Variants in CTIF observed in about 807,000 individuals in gnomAD.
CTIF encodes the protein cap binding complex dependent translation initiation factor.
Under a neutral mutation model 66.0 loss-of-function variants are expected in CTIF, and 21 were observed. That is an observed-to-expected ratio of 0.32 (90% confidence interval 0.23 to 0.46). CTIF has a LOEUF of 0.46. Ranked by LOEUF, CTIF falls within the 20% of genes least tolerant of loss-of-function variation. The pLI is 1.00. For synonymous variants in CTIF, 345 were observed against 326.4 expected (o/e 1.06, Z -0.62); for missense variants, 739 against 812.7 (o/e 0.91, Z 1.10).
chr18:48,852,456 AC>A (rs2069228006), intron 10 of CTIF, among the ~76,000 whole-genome samples: 1 of 151,688 alleles, frequency 6.6e-6, no homozygotes, highest in South Asian at 2.1e-4. Context: ...GATGAGTCAC[AC>A]CCCCCACCTC....
intron 9 of CTIF, among the ~76,000 whole-genome samples, chr18:48,776,480 A>T (rs1289261308): frequency 6.6e-6 from 1 of 152,242 alleles, no homozygotes; most frequent in African/African-American, 2.4e-5. Flanking sequence ...TCCCCTCTGC[A>T]GAAGCCCCTT....
Position 48,670,751 on chromosome 18 carries a change from G to T in CTIF, c.507+7G>T. ...GGTCCTTCCAGCCTGGCAGGTAGGT[G>T]CAGGGGCAGGCTCTCTAACAGCCCA... On this transcript the variant is annotated splice_region_variant and intron_variant, in intron 6 of 11. Coordinates refer to ENST00000256413, the MANE Select transcript of CTIF (RefSeq NM_014772.3). The T allele has an allele frequency of 6.2e-7, 1 of 1,612,762 alleles. No individual in the cohort carries two copies. The highest frequency in any genetic ancestry group is 8.5e-7 in the Non-Finnish European group (1 of 1,178,886).
At chr18:48,567,045 C>T (rs997592499) in intron 1 of CTIF, 16 of 152,218 alleles carry the variant, frequency 1.1e-4, no homozygotes, top group African/African-American at 3.9e-4. Context: ...TCAGCAACAA[C>T]TTATGTACCT....
chr18:48,576,397 A>T (rs1287702819), intron 1 of CTIF, among the ~76,000 whole-genome samples: 1 of 152,212 alleles, frequency 6.6e-6, no homozygotes, highest in Non-Finnish European at 1.5e-5. Context: ...GTGCCAGTGA[A>T]GTCCCTTCTT....
At chr18:48,722,270 C>T (rs1047861497) in intron 7 of CTIF, among the ~76,000 whole-genome samples, 7 of 140,742 alleles carry the variant, frequency 5.0e-5, no homozygotes, top group Admixed American at 1.5e-4. Context: ...GCTGGAGTTG[C>T]AGTGGCACAA....
In CTIF at chr18:48,780,541, C is replaced by G. The variant is rs191088540; in HGVS notation, c.1371+18852C>G. Among the ~76,000 whole-genome samples the G allele has an allele frequency of 3.0e-3, 461 of 152,338 alleles. 1 individual carries two copies. In the Middle Eastern group the frequency reaches 0.037, roughly 12 times the overall value. On this transcript the variant is annotated intron_variant, in intron 9 of 11. Coordinates refer to ENST00000256413, the MANE Select transcript of CTIF (RefSeq NM_014772.3). ...GGGACACTTTATCCAGCACGTGGCACACGCACCTCTGCCGCGTCGGTTCAT... is the reference window on the plus strand; with the variant it reads ...GGGACACTTTATCCAGCACGTGGCAGACGCACCTCTGCCGCGTCGGTTCAT...
intron 6 of CTIF, among the ~76,000 whole-genome samples, chr18:48,709,982 A>G (rs1054141506): frequency 6.6e-6 from 1 of 152,226 alleles, no homozygotes; most frequent in Admixed American, 6.5e-5. Flanking sequence ...CCAAGTGGCC[A>G]TAACTCCAAG....
intron 7 of CTIF, chr18:48,755,793 AT>A (rs1908300450): frequency 6.6e-6 from 1 of 152,234 alleles, no homozygotes; most frequent in Non-Finnish European, 1.5e-5. Flanking sequence ...AGGGTACCAG[AT>A]TTTTACAGAT....
intron 6 of CTIF, among the ~76,000 whole-genome samples, chr18:48,682,051 G>A (rs1178208082): frequency 6.6e-6 from 1 of 152,138 alleles, no homozygotes; most frequent in African/African-American, 2.4e-5. Context: ...CTCCCAAAGT[G>A]CTGGGATTAC....
intron 9 of CTIF, among the ~76,000 whole-genome samples, chr18:48,800,241 C>T (rs974186327): frequency 2.6e-5 from 4 of 152,208 alleles, no homozygotes; most frequent in Non-Finnish European, 4.4e-5. Context: ...CCTCCATTCA[C>T]ACATCAAGTC....
chr18:48,714,559 C>T (rs1387511056), intron 7 of CTIF, among the ~76,000 whole-genome samples: 1 of 152,334 alleles, frequency 6.6e-6, no homozygotes, highest in East Asian at 1.9e-4. Flanking sequence ...CATGCAATTT[C>T]CCACAGCCTG....
intron 6 of CTIF, among the ~76,000 whole-genome samples, chr18:48,701,734 T>G (rs987727870): frequency 6.6e-6 from 1 of 152,236 alleles, no homozygotes; most frequent in Non-Finnish European, 1.5e-5. Context: ...CTCACCTATT[T>G]TATCTGTTTA....
At chr18:48,755,443 G>A (rs748364955) in intron 7 of CTIF, among the ~76,000 whole-genome samples, 1 of 152,212 alleles carries the variant, frequency 6.6e-6, no homozygotes, top group Non-Finnish European at 1.5e-5. Flanking sequence ...GGCTGGGCTG[G>A]GTAGTCGGAA....
intron 1 of CTIF, among the ~76,000 whole-genome samples, chr18:48,616,867 C>T (rs1204540965): frequency 1.3e-5 from 2 of 152,200 alleles, no homozygotes; most frequent in Non-Finnish European, 2.9e-5. Flanking sequence ...GAAAATGCTT[C>T]CAGGTGACAG....
intron 1 of CTIF, among the ~76,000 whole-genome samples, chr18:48,576,620 A>C (rs917491257): frequency 2.6e-5 from 4 of 152,186 alleles, no homozygotes; most frequent in Admixed American, 6.5e-5. Context: ...CCGGGGCGTA[A>C]CCGTTTAATT....
intron 9 of CTIF, among the ~76,000 whole-genome samples, chr18:48,786,720 A>C (rs779164952): frequency 2.0e-5 from 3 of 152,198 alleles, no homozygotes; most frequent in Non-Finnish European, 4.4e-5. Context: ...TAGCTAGATC[A>C]GAACCCCTGG....
intron 10 of CTIF, among the ~76,000 whole-genome samples, chr18:48,836,743 C>G (rs544988008): frequency 2.6e-5 from 4 of 152,308 alleles, no homozygotes; most frequent in Admixed American, 1.3e-4. Flanking sequence ...GAACAACCAG[C>G]TAGGAGTCAG....
intron 10 of CTIF, among the ~76,000 whole-genome samples, chr18:48,836,501 A>G (rs1325697993): frequency 1.3e-5 from 2 of 152,102 alleles, no homozygotes; most frequent in Non-Finnish European, 2.9e-5. Context: ...CTCAACTCCA[A>G]AGGCCTGGGC....
rs182203828 is a variant in CTIF, at chr18:48,794,691, G to A, written c.1372-22530G>A. Among the ~76,000 whole-genome samples the A allele has an allele frequency of 3.9e-5, 6 of 152,306 alleles. No homozygotes were observed. In the South Asian group the frequency reaches 6.2e-4, roughly 16 times the overall value. The stretch of plus-strand genomic sequence containing the variant: ...AGGATGATTGAAGGCAGGTGGGATC[G>A]AAGCAGATGCCCTCTGGAGATGCCC... On this transcript the variant is annotated intron_variant, in intron 9 of 11. Coordinates refer to ENST00000256413, the MANE Select transcript of CTIF (RefSeq NM_014772.3).
Sources: gnomAD v4.1 joint callset for allele counts (sites outside exome capture counted in the v4.1 genomes callset) on GRCh38, gnomAD v4.1.1 for gene constraint, MANE v1.5 for transcripts, NCBI Gene and HGNC (gene_info 2026-07-23, HGNC 2026-07-21) for gene names.